KCNIP1: variants seen among roughly 807,000 people sequenced by gnomAD.
KCNIP1 encodes A-type potassium channel modulatory protein KCNIP1.
A neutral mutation model predicts 33.0 loss-of-function variants in KCNIP1; 18 were observed. That is an observed-to-expected ratio of 0.55 (90% CI 0.38 to 0.81). The LOEUF (loss-of-function observed/expected upper bound fraction) is 0.81, where lower values mean the gene tolerates loss of function less well. KCNIP1 is among the 30% of genes least tolerant of loss of function. The pLI, the probability that KCNIP1 is intolerant of heterozygous loss-of-function variation, is 0.00. For missense variants in KCNIP1, 238 were observed against 271.6 expected, an observed-to-expected ratio of 0.88 and a Z score of 0.87; for synonymous variants, 93 against 98.3, an observed-to-expected ratio of 0.95 and a Z score of 0.32.
chr5:170,571,854 G>A (rs1223271411), intron 1 of KCNIP1, among the ~76,000 whole-genome samples: 3 of 152,148 alleles, frequency 2.0e-5, no homozygotes, highest in Non-Finnish European at 2.9e-5. Flanking sequence ...ACAAAATACC[G>A]AAGAATATTC....
chr5:170,678,133 C>T (rs1762211927), intron 1 of KCNIP1, among the ~76,000 whole-genome samples: 1 of 152,152 alleles, frequency 6.6e-6, no homozygotes, highest in Non-Finnish European at 1.5e-5. Flanking sequence ...TGTGAAGAAA[C>T]CTTGTAGCTC....
intron 1 of KCNIP1, among the ~76,000 whole-genome samples, chr5:170,646,876 T>C (rs1003087104): frequency 6.6e-6 from 1 of 152,184 alleles, no homozygotes; most frequent in Non-Finnish European, 1.5e-5. Context: ...CTCATGTAAC[T>C]AATAAGCTAT....
intron 1 of KCNIP1, among the ~76,000 whole-genome samples, chr5:170,593,483 C>T (rs369770390): frequency 6.6e-6 from 1 of 152,206 alleles, no homozygotes; most frequent in East Asian, 1.9e-4. Context: ...ACACCGCCTT[C>T]CATCTCAGTG....
intron 1 of KCNIP1, among the ~76,000 whole-genome samples, chr5:170,690,246 C>T (rs1236709897): frequency 6.6e-6 from 1 of 152,178 alleles, no homozygotes; most frequent in Non-Finnish European, 1.5e-5. Flanking sequence ...CCAACTTCAA[C>T]AGCAAAAACT....
intron 4 of KCNIP1, 90 bp downstream of exon 4, chr5:170,721,993 C>T: frequency 7.0e-7 from 1 of 1,432,632 alleles, no homozygotes; most frequent in Non-Finnish European, 9.7e-7. Context: ...AGGTCTGGAC[C>T]ATCAAAAGCT....
chr5:170,427,379 A>C (rs1446580830), intron 1 of KCNIP1, among the ~76,000 whole-genome samples: 1 of 152,208 alleles, frequency 6.6e-6, no homozygotes, highest in African/African-American at 2.4e-5. Flanking sequence ...GTGTCTGGAC[A>C]GGAGCATTAT....
Position 170,556,495 on chromosome 5 carries a change from C to A in KCNIP1, c.61+51862C>A, listed in dbSNP as rs78372150. On this transcript the variant is annotated intron_variant, in intron 1 of 7. Transcript: ENST00000328939. ...TTTCCCTTCCCTTTCTGGTCAGGGACCCCAGCTCTCTCTGCATGGATTCTC... is the reference window on the plus strand; with the variant it reads ...TTTCCCTTCCCTTTCTGGTCAGGGAACCCAGCTCTCTCTGCATGGATTCTC... 2.2e-4 allele frequency among the ~76,000 whole-genome samples: 34 copies of A among 152,302 alleles called. No individual in the cohort carries two copies. In the East Asian group the frequency reaches 6.2e-3, roughly 28 times the overall value.
At chr5:170,414,964 A>G (rs1755289883) in intron 1 of KCNIP1, among the ~76,000 whole-genome samples, 1 of 152,236 alleles carries the variant, frequency 6.6e-6, no homozygotes, top group Non-Finnish European at 1.5e-5. Context: ...AATGCCCAGC[A>G]TGTAGTAGGT....
chr5:170,378,502 G>T, intron 1 of KCNIP1: 1 of 624,256 alleles, frequency 1.6e-6, no homozygotes, highest in South Asian at 2.2e-5. Context: ...AGGCATTGGG[G>T]AGCCACTGTA....
Position 170,736,240 on chromosome 5 carries a change from A to C in KCNIP1, c.*434A>C. 5.8e-6 allele frequency: 1 copy of C among 171,740 alleles called. No individual in the cohort carries two copies. Among genetic ancestry groups the C allele is most frequent in the Non-Finnish European group, 1.3e-5 (1 of 79,840 alleles). 10.6% of individuals were successfully genotyped at this position (171,740 alleles called of 1,614,324 possible). ...CCATCTCTGATGGCCTCCCAAACCA[A>C]TGTGCCTGTTTCTCTTCCTTTGGTG... On this transcript the variant is annotated 3_prime_UTR_variant, in exon 8 of 8. Coordinates refer to ENST00000328939, the MANE Select transcript of KCNIP1 (RefSeq NM_014592.4).
At chr5:170,481,910 CAT>C (rs1756986270) in intron 1 of KCNIP1, among the ~76,000 whole-genome samples, 1 of 152,214 alleles carries the variant, frequency 6.6e-6, no homozygotes, top group African/African-American at 2.4e-5. Flanking sequence ...GAACTGAAAT[CAT>C]CCCTTCTTGC....
At position 170,446,328 on chromosome 5, in the gene KCNIP1, C is replaced by T. The variant is rs998632399; in HGVS notation, c.88+92364C>T. On this transcript the variant is annotated intron_variant, in intron 1 of 7. Coordinates refer to the KCNIP1 transcript ENST00000377360. ...TGGACTCTTACATAGGCTATGTGAA[C>T]GTGGGCAAATTGCATCTTCTCTTTG... is the stretch of plus-strand genomic sequence containing the variant. Among the ~76,000 whole-genome samples the T allele has an allele frequency of 2.6e-5, 4 of 151,880 alleles. No homozygotes were observed. The South Asian group carries it at 6.2e-4, about 24-fold the overall frequency.
At chr5:170,469,253 A>T (rs1756672672) in intron 1 of KCNIP1, among the ~76,000 whole-genome samples, 1 of 151,938 alleles carries the variant, frequency 6.6e-6, no homozygotes, top group Non-Finnish European at 1.5e-5. Flanking sequence ...AAATTAGCTG[A>T]GCATGGTGGT....
chr5:170,396,654 A>G (rs1754769505), intron 1 of KCNIP1, among the ~76,000 whole-genome samples: 1 of 152,244 alleles, frequency 6.6e-6, no homozygotes, highest in African/African-American at 2.4e-5. Context: ...CTGAATAGCA[A>G]TTGGTTGAAA....
At chr5:170,712,468 A>G (rs1763483295) in intron 1 of KCNIP1, among the ~76,000 whole-genome samples, 1 of 152,208 alleles carries the variant, frequency 6.6e-6, no homozygotes, top group Non-Finnish European at 1.5e-5. Context: ...AGAGAGGGGG[A>G]ATGGGGGCCT....
At chr5:170,541,105 T>C (rs374085900) in intron 1 of KCNIP1, among the ~76,000 whole-genome samples, 4 of 152,206 alleles carry the variant, frequency 2.6e-5, no homozygotes, top group African/African-American at 9.7e-5. Flanking sequence ...ATCTTGGCTG[T>C]GTGACTTTGG....
intron 1 of KCNIP1, among the ~76,000 whole-genome samples, chr5:170,691,763 C>G (rs192280648): frequency 6.6e-6 from 1 of 152,092 alleles, no homozygotes; most frequent in African/African-American, 2.4e-5. Context: ...CCCAGGGAAC[C>G]AGCAGGGTCC....
At chr5:170,456,130 T>A (rs1406051629) in intron 1 of KCNIP1, among the ~76,000 whole-genome samples, 1 of 152,060 alleles carries the variant, frequency 6.6e-6, no homozygotes, top group Non-Finnish European at 1.5e-5. Context: ...TATGCAGCCA[T>A]AAAAAAGAAT....
chr5:170,385,520 G>A (rs2113346471), intron 1 of KCNIP1: 2 of 1,557,194 alleles, frequency 1.3e-6, no homozygotes, highest in South Asian at 1.1e-5. Context: ...GTTCACAGGT[G>A]ATCCACAGAA....
Sources: allele counts gnomAD v4.1 joint callset (sites outside exome capture counted in the v4.1 genomes callset), GRCh38; gene constraint gnomAD v4.1.1; transcripts MANE v1.5; gene names NCBI Gene and HGNC (gene_info 2026-07-23, HGNC 2026-07-21).